The following KMT5B variants were observed in gnomAD, a reference collection of about 807,000 sequenced individuals.
KMT5B encodes histone-lysine N-methyltransferase KMT5B.
In KMT5B, 10 loss-of-function variants were observed where a neutral mutation model predicts 83.2. The observed-to-expected ratio is 0.12, with a 90% CI of 0.07 to 0.20. KMT5B has a LOEUF of 0.20. Ranked by LOEUF, KMT5B falls within the 10% of genes least tolerant of loss-of-function variation. The pLI is 1.00. For missense variants in KMT5B, 753 were observed against 1,067.2 expected (o/e 0.71, Z 4.10); for synonymous variants, 349 against 388.8 (o/e 0.90, Z 1.20).
intron 10 of KMT5B, among the ~76,000 whole-genome samples, chr11:68,159,754 G>T (rs1180082751): frequency 6.6e-6 from 1 of 152,166 alleles, no homozygotes; most frequent in Non-Finnish European, 1.5e-5. Context: ...AGTCACTACC[G>T]AAAAAGAAAT....
At chr11:68,202,778 A>T (rs1216130223) in intron 1 of KMT5B, among the ~76,000 whole-genome samples, 2 of 151,794 alleles carry the variant, frequency 1.3e-5, no homozygotes, top group Non-Finnish European at 1.5e-5. Context: ...TGAACTCTTG[A>T]CCTCGTGATT....
chr11:68,180,013 T>C, intron 4 of KMT5B, 119 bp downstream of exon 4: 1 of 1,224,240 alleles, frequency 8.2e-7, no homozygotes, highest in Non-Finnish European at 1.1e-6. Context: ...AAAAGGTTTG[T>C]AAAATGTTCT....
chr11:68,163,817 G>A (rs1231288423), intron 10 of KMT5B, among the ~76,000 whole-genome samples: 1 of 152,218 alleles, frequency 6.6e-6, no homozygotes. Flanking sequence ...GCAGAAAAGT[G>A]TTCAGATCAA....
chr11:68,156,779 G>T lies in KMT5B; in HGVS notation c.*909C>A, dbSNP rs1285167237. 1 of 152,598 alleles carries T rather than the reference G, an allele frequency of 6.6e-6. No individual in the cohort carries two copies. The highest frequency in any genetic ancestry group is 1.9e-4 in the East Asian group (1 of 5,198). The allele number at this position is 152,598 out of a possible 1,614,324, so 9.5% of individuals were successfully genotyped here. ...ATTTCATAAACTATTATAAGTTAAA[G>T]TGAATAGATTTTTTTAATATTCCTT... On this transcript the variant is annotated 3_prime_UTR_variant, in exon 11 of 11. Transcript: ENST00000304363.
At chr11:68,168,960 G>A (rs1208150218) in intron 9 of KMT5B, among the ~76,000 whole-genome samples, 1 of 152,166 alleles carries the variant, frequency 6.6e-6, no homozygotes, top group African/African-American at 2.4e-5. Flanking sequence ...ATAATGGAAT[G>A]AGCTCCTAGA....
intron 10 of KMT5B, among the ~76,000 whole-genome samples, chr11:68,162,476 C>G (rs1590927450): frequency 6.6e-6 from 1 of 152,180 alleles, no homozygotes; most frequent in East Asian, 1.9e-4. Context: ...TTAGGCAACA[C>G]CTCCCTGAGG....
Position 68,157,632 on chromosome 11 carries a change from C to T in KMT5B, c.*56G>A, listed in dbSNP as rs565163910. On this transcript the variant is annotated 3_prime_UTR_variant, in exon 11 of 11. Coordinates refer to ENST00000304363, the MANE Select transcript of KMT5B (RefSeq NM_017635.5). ...AAACTTTCAGTTGAGGAATAATTGA[C>T]TGGAATTTTTTATTTCTTTAAAGTA... is the stretch of plus-strand genomic sequence containing the variant. The T allele has an allele frequency of 9.4e-6, 14 of 1,489,872 alleles. No homozygotes were observed. The African/African-American group carries it at 1.5e-4, about 16-fold the overall frequency. 92.3% of individuals were successfully genotyped at this position (1,489,872 alleles called of 1,614,324 possible).
At chr11:68,173,635 C>T (rs558412667) in intron 6 of KMT5B, among the ~76,000 whole-genome samples, 169 bp downstream of exon 6, 57 of 152,274 alleles carry the variant, frequency 3.7e-4, no homozygotes, top group African/African-American at 1.3e-3. Context: ...CTGAGACTTC[C>T]GATTTCCCCA....
intron 5 of KMT5B, chr11:68,174,288 G>A (rs1360222954): frequency 9.2e-6 from 3 of 325,826 alleles, no homozygotes; most frequent in Non-Finnish European, 1.8e-5. Flanking sequence ...AGTTTTGAAT[G>A]TCACAATTTT....
chr11:68,204,131 A>C (rs1859778125), intron 1 of KMT5B, among the ~76,000 whole-genome samples: 1 of 152,068 alleles, frequency 6.6e-6, no homozygotes, highest in Non-Finnish European at 1.5e-5. Context: ...AGAATGCTTC[A>C]CCCACTGCCC....
At position 68,171,499 on chromosome 11, in the gene KMT5B, G is replaced by A; in HGVS notation, c.820+44C>T. 1 of 1,583,902 alleles carries A rather than the reference G, an allele frequency of 6.3e-7. No homozygotes were observed. The highest frequency in any genetic ancestry group is 1.8e-5 in the Admixed American group (1 of 56,490). ...GACAAGGCCATTCTAGCAGTTAGCA[G>A]GAATGGCCAACACTAGCGCCAACAC... is the stretch of plus-strand genomic sequence containing the variant. On this transcript the variant is annotated intron_variant, in intron 7 of 10. Transcript: ENST00000304363. This position sits in a 1 kb window ranked among gnomAD's most constrained non-coding sequence, Gnocchi z 5.1.
At chr11:68,170,009 G>C (rs1458239937) in intron 9 of KMT5B, among the ~76,000 whole-genome samples, 1 of 152,184 alleles carries the variant, frequency 6.6e-6, no homozygotes, top group Non-Finnish European at 1.5e-5. Context: ...ACTGTGACTT[G>C]ATGACTCCGT....
At chr11:68,205,155 A>G (rs546379831) in intron 1 of KMT5B, among the ~76,000 whole-genome samples, 2 of 152,070 alleles carry the variant, frequency 1.3e-5, no homozygotes, top group South Asian at 4.1e-4. Flanking sequence ...CAAAAAAAAA[A>G]ACAAAAAAAA....
chr11:68,171,208 G>A lies in KMT5B; in HGVS notation c.840+24C>T. ...CACCTGAAGCAAAAACAAAATACTT[G>A]AAGAAAATTTTTTTAATGCTTACCT... On this transcript the variant is annotated intron_variant, in intron 8 of 10. Transcript: ENST00000304363. The surrounding 1 kb of genome is among the most constrained non-coding windows in gnomAD (Gnocchi z 5.1). 1.2e-6 allele frequency: 2 copies of A among 1,601,556 alleles called. No individual in the cohort carries two copies. Among genetic ancestry groups the A allele is most frequent in the East Asian group, 2.2e-5 (1 of 44,778 alleles).
chr11:68,179,118 G>A (rs1316138097), intron 4 of KMT5B, among the ~76,000 whole-genome samples: 1 of 150,922 alleles, frequency 6.6e-6, no homozygotes, highest in Non-Finnish European at 1.5e-5. Context: ...TTTGACTTGC[G>A]TTTGCCATTG....
At chr11:68,186,582 T>C (rs1857457263) in intron 2 of KMT5B, among the ~76,000 whole-genome samples, 1 of 152,106 alleles carries the variant, frequency 6.6e-6, no homozygotes, top group South Asian at 2.1e-4. Context: ...TGGATAAAAA[T>C]ACAGACTGAA....
chr11:68,165,810 C>A, intron 10 of KMT5B: 1 of 1,585,374 alleles, frequency 6.3e-7, no homozygotes. Context: ...ACGAAAAAGA[C>A]TGGAATAGGG....
intron 1 of KMT5B, among the ~76,000 whole-genome samples, chr11:68,204,421 C>A (rs1859817959): frequency 6.6e-6 from 1 of 152,044 alleles, no homozygotes; most frequent in Admixed American, 6.6e-5. Context: ...AGATTTGACA[C>A]CTCACAAAGT....
intron 2 of KMT5B, among the ~76,000 whole-genome samples, chr11:68,187,218 GA>G (rs1236861658): frequency 2.0e-5 from 3 of 151,996 alleles, no homozygotes; most frequent in African/African-American, 2.4e-5. Flanking sequence ...GGCTGGTCTT[GA>G]ACTCCTGAGC....
Sources: gnomAD v4.1 joint callset for allele counts (sites outside exome capture counted in the v4.1 genomes callset) on GRCh38, gnomAD v4.1.1 for gene constraint, Gnocchi (gnomAD v3.1) non-coding constraint, MANE v1.5 for transcripts, NCBI Gene and HGNC (gene_info 2026-07-23, HGNC 2026-07-21) for gene names.